Variants in PCDH17 observed in about 807,000 individuals in gnomAD.
The protein encoded by PCDH17 is protocadherin-17.
A neutral mutation model predicts 67.7 loss-of-function variants in PCDH17; 21 were observed. That is an observed-to-expected ratio of 0.31 (90% CI 0.22 to 0.45). PCDH17 has a LOEUF of 0.45. Among genes scored for constraint, PCDH17 ranks in the 20% least tolerant of loss-of-function variants. The pLI is 1.00. For missense variants in PCDH17, 1,471 were observed against 1,564.8 expected, an observed-to-expected ratio of 0.94 and a Z score of 1.01; for synonymous variants, 701 against 656.7, an observed-to-expected ratio of 1.07 and a Z score of -1.03.
chr13:57,679,387 G>A (rs1277317681), intron 3 of PCDH17, among the ~76,000 whole-genome samples: 1 of 150,260 alleles, frequency 6.7e-6, no homozygotes, highest in East Asian at 2.0e-4. Flanking sequence ...TATAAGGGGT[G>A]ATGGACTATT....
At chr13:57,679,284 C>T (rs902781985) in intron 3 of PCDH17, among the ~76,000 whole-genome samples, 14 of 150,070 alleles carry the variant, frequency 9.3e-5, no homozygotes, top group East Asian at 2.0e-4. Context: ...TTATCGACTA[C>T]GAAGACACAT....
At chr13:57,650,121 A>G (rs1381370240) in intron 1 of PCDH17, among the ~76,000 whole-genome samples, 1 of 152,110 alleles carries the variant, frequency 6.6e-6, no homozygotes, top group Non-Finnish European at 1.5e-5. Context: ...TTTTTTAGTT[A>G]TGTTATAAAA....
At chr13:57,666,272 T>C (rs185387333) in intron 1 of PCDH17, among the ~76,000 whole-genome samples, 196 bp from the exon 2 acceptor site, 15 of 152,286 alleles carry the variant, frequency 9.8e-5, no homozygotes, top group Admixed American at 8.5e-4. Flanking sequence ...AACAGGTAAT[T>C]TGTGGACCGG....
At chr13:57,652,431 G>T (rs9569722) in intron 1 of PCDH17, among the ~76,000 whole-genome samples, 1 of 152,218 alleles carries the variant, frequency 6.6e-6, no homozygotes, top group East Asian at 1.9e-4. Flanking sequence ...TTTTAAGAGT[G>T]ACAAACTTTT....
intron 3 of PCDH17, among the ~76,000 whole-genome samples, chr13:57,717,720 A>T (rs148105772): frequency 6.6e-6 from 1 of 152,044 alleles, no homozygotes; most frequent in East Asian, 1.9e-4. Context: ...TGATAGTATT[A>T]TAACAACTTC....
chr13:57,706,296 G>T (rs550126561), intron 3 of PCDH17, among the ~76,000 whole-genome samples: 1 of 151,960 alleles, frequency 6.6e-6, no homozygotes, highest in African/African-American at 2.4e-5. Context: ...TTGCCAAATT[G>T]TTTATTTGTG....
In PCDH17 at chr13:57,633,577, G is replaced by A. The variant is rs41292834; in HGVS notation, c.1031G>A (p.Arg344His). ...HCKVTVKLID[R>H]NDNAPSIGFV... ...AAAGTCACGGTCAAGCTCATCGACC[G>A]CAACGACAATGCGCCGTCCATCGGT... Residue 344 changes from arginine (R) to histidine (H), a missense_variant, in exon 1 of 4, where the codon CGC (arginine) becomes CAC (histidine). Arg to His is a conservative substitution (Grantham distance 29). This residue lies in a region of PCDH17 where 1,163 missense variants were observed against 1,230.0 expected (regional missense o/e 0.95). Coordinates refer to ENST00000377918, the MANE Select transcript of PCDH17 (RefSeq NM_001040429.3). The surrounding 1 kb of genome is among the most constrained non-coding windows in gnomAD (Gnocchi z 6.2). 4.3e-6 allele frequency: 7 copies of A among 1,613,258 alleles called. No homozygotes were observed. In the African/African-American group the frequency reaches 8.0e-5, roughly 18 times the overall value.
intron 3 of PCDH17, among the ~76,000 whole-genome samples, chr13:57,671,980 A>T (rs943835498): frequency 4.0e-5 from 6 of 151,864 alleles, no homozygotes; most frequent in African/African-American, 1.5e-4. Context: ...TTGCCTTGTA[A>T]TTTCTAGTTT....
intron 3 of PCDH17, among the ~76,000 whole-genome samples, chr13:57,694,131 T>A (rs1955585092): frequency 6.6e-6 from 1 of 151,226 alleles, no homozygotes; most frequent in Admixed American, 6.6e-5. Flanking sequence ...AGTTGAGTAT[T>A]GACTCAGTTG....
intron 3 of PCDH17, among the ~76,000 whole-genome samples, chr13:57,671,829 G>A (rs546728977): frequency 2.0e-5 from 3 of 152,010 alleles, no homozygotes; most frequent in African/African-American, 7.2e-5. Flanking sequence ...TGCCAGAAGT[G>A]GCGGTGGGAT....
rs747132510 is a variant in PCDH17 at position 57,706,015 on chromosome 13, T to TA, written c.2798-18581dup. Among the ~76,000 whole-genome samples the TA allele has an allele frequency of 8.1e-3, 1,039 of 128,864 alleles. 10 individuals are homozygous for TA. The highest frequency in any genetic ancestry group is 0.023 in the African/African-American group (788 of 34,486). The allele number at this position is 128,864 out of a possible 152,430, so 84.5% of individuals were successfully genotyped here. A position where few individuals can be genotyped will look rare whatever the true frequency, so the allele number is the denominator to read the frequency against. The stretch of plus-strand genomic sequence containing the variant: ...GAGCAACAGGAGAAAAACTCAGTCT[T>TA]AAAAAAAAAAAAAAAATACCCTTAC... On this transcript the variant is annotated intron_variant, in intron 3 of 3. Transcript: ENST00000377918.
rs78242494 is a variant in PCDH17 at position 57,665,900 on chromosome 13, T to C, written c.2566-568T>C. On this transcript the variant is annotated intron_variant, in intron 1 of 3. Coordinates refer to ENST00000377918, the MANE Select transcript of PCDH17 (RefSeq NM_001040429.3). ...TTCCGACTGGATTGTTTGAACATAA[T>C]TTCCATAGTTGGGTTGTAGCTGAGA... Among the ~76,000 whole-genome samples, 544 of 152,302 alleles carry C rather than the reference T, an allele frequency of 3.6e-3. 3 individuals carry two copies. Among genetic ancestry groups the C allele is most frequent in the African/African-American group, 0.013 (521 of 41,564 alleles).
At chr13:57,693,315 C>CATATAT (rs59643529) in intron 3 of PCDH17, among the ~76,000 whole-genome samples, 1,316 of 89,324 alleles carry the variant, frequency 0.015, 59 homozygotes, top group African/African-American at 0.022. Flanking sequence ...CACTTACATT[C>CATATAT]ATATATATAT....
intron 1 of PCDH17, among the ~76,000 whole-genome samples, chr13:57,660,924 C>A (rs2138015619): frequency 6.6e-6 from 1 of 152,238 alleles, no homozygotes; most frequent in East Asian, 1.9e-4. Context: ...GATGGTCTGT[C>A]TGTTCACCTT....
rs775994725 is a variant in PCDH17 at position 57,634,124 on chromosome 13, T to C, written c.1578T>C (p.Ser526=). 12 of 1,613,638 alleles carry C rather than the reference T, an allele frequency of 7.4e-6. No individual in the cohort carries two copies. The South Asian group carries it at 1.2e-4, about 16-fold the overall frequency. ...IGDVSIYTYV[S]VNPTNGAIYA... ...ACGTGTCTATCTACACCTATGTGTC[T>C]GTGAATCCCACGAACGGGGCCATCT... The change falls in exon 1 of 4, where the codon TCT becomes TCC. Residue 526 remains serine (S), a synonymous_variant. Transcript: ENST00000377918. The surrounding 1 kb of genome is among the most constrained non-coding windows in gnomAD (Gnocchi z 7.8).
chr13:57,721,561 C>G (rs534172040), intron 3 of PCDH17, among the ~76,000 whole-genome samples: 1 of 152,184 alleles, frequency 6.6e-6, no homozygotes, highest in East Asian at 1.9e-4. Context: ...TTATTATACA[C>G]ACTTAACTTA....
At chr13:57,688,758 A>G (rs1407091177) in intron 3 of PCDH17, among the ~76,000 whole-genome samples, 1 of 152,072 alleles carries the variant, frequency 6.6e-6, no homozygotes, top group Non-Finnish European at 1.5e-5. Context: ...TACCAGCTGC[A>G]GATCTATTTT....
At chr13:57,631,345 G>A (rs553417386), upstream of PCDH17, among the ~76,000 whole-genome samples, 5 of 152,220 alleles carry the variant, frequency 3.3e-5, no homozygotes, top group Admixed American at 3.3e-4. Flanking sequence ...GAGAGTGTGT[G>A]TGCAAGGACT....
chr13:57,689,198 G>T (rs926697441), intron 3 of PCDH17, among the ~76,000 whole-genome samples: 1 of 152,018 alleles, frequency 6.6e-6, no homozygotes, highest in Admixed American at 6.6e-5. Flanking sequence ...TGTAGAAGGG[G>T]TAGACAACAA....
Sources: gnomAD v4.1 joint callset for allele counts (sites outside exome capture counted in the v4.1 genomes callset) on GRCh38, gnomAD v4.1.1 for gene constraint, gnomAD v4.1.1 regional missense constraint, Gnocchi (gnomAD v3.1) non-coding constraint, MANE v1.5 for transcripts, NCBI Gene and HGNC (gene_info 2026-07-23, HGNC 2026-07-21) for gene names.